Variants in MDGA2 observed in about 807,000 individuals in gnomAD.
MDGA2 encodes MAM domain containing glycosylphosphatidylinositol anchor 2.
A neutral mutation model predicts 117.8 loss-of-function variants in MDGA2; 40 were observed. The observed-to-expected ratio is 0.34, with a 90% CI of 0.26 to 0.44. MDGA2 has a LOEUF of 0.44. MDGA2 is among the 20% of genes least tolerant of loss of function. The pLI, the probability that MDGA2 is intolerant of heterozygous loss-of-function variation, is 1.00. For synonymous variants in MDGA2, 452 were observed against 439.0 expected, an observed-to-expected ratio of 1.03 and a Z score of -0.37; for missense variants, 1,123 against 1,250.6, an observed-to-expected ratio of 0.90 and a Z score of 1.54.
At chr14:47,105,367 A>C (rs923278892) in intron 5 of MDGA2, among the ~76,000 whole-genome samples, 1 of 151,752 alleles carries the variant, frequency 6.6e-6, no homozygotes, top group Non-Finnish European at 1.5e-5. Flanking sequence ...CTGGAGGGCA[A>C]GAACCCCCCA....
At chr14:46,969,933 CATATATATATATATATATATATAT>C (rs1157465830) in intron 8 of MDGA2, among the ~76,000 whole-genome samples, 24 of 15,296 alleles carry the variant, frequency 1.6e-3, no homozygotes, top group East Asian at 0.01. Context: ...TAAAGTATTC[CATATATATATATATATATATATAT>C]ATATATATAT....
At chr14:47,405,942 A>C (rs1892251574) in intron 1 of MDGA2, among the ~76,000 whole-genome samples, 2 of 152,188 alleles carry the variant, frequency 1.3e-5, no homozygotes, top group Non-Finnish European at 2.9e-5. Context: ...GAAAACCTTA[A>C]GGATTATTTG....
At chr14:47,328,711 C>T (rs1027680720) in intron 1 of MDGA2, among the ~76,000 whole-genome samples, 6 of 152,046 alleles carry the variant, frequency 3.9e-5, no homozygotes, top group Non-Finnish European at 7.4e-5. Context: ...GTAAGAACAA[C>T]CTTCAGAGAA....
chr14:47,438,245 T>C (rs982011850), intron 1 of MDGA2, among the ~76,000 whole-genome samples: 1 of 152,150 alleles, frequency 6.6e-6, no homozygotes, highest in African/African-American at 2.4e-5. Context: ...AAGGTAAAGA[T>C]TTTAGCTCAT....
Position 47,073,047 on chromosome 14 carries a change from A to G in MDGA2, c.1196-11469T>C, listed in dbSNP as rs1472959873. On this transcript the variant is annotated intron_variant, in intron 6 of 16. Transcript: ENST00000399232. ...GCCAAAGCTTGAGAAAAGTTTCACA[A>G]AAACACTTATTATTTCCAGATCTCT... Among the ~76,000 whole-genome samples the G allele has an allele frequency of 2.0e-5, 3 of 152,322 alleles. No homozygotes were observed. In the East Asian group the frequency reaches 5.8e-4, roughly 29 times the overall value.
At chr14:47,492,091 A>G (rs953640031) in intron 1 of MDGA2, among the ~76,000 whole-genome samples, 1 of 152,158 alleles carries the variant, frequency 6.6e-6, no homozygotes, top group African/African-American at 2.4e-5. Context: ...ATGTAACACA[A>G]ATATAAATTC....
At position 47,537,573 on chromosome 14, in the gene MDGA2, TTA is replaced by T. The variant is rs1491298963; in HGVS notation, c.280+136942_280+136943del. Among the ~76,000 whole-genome samples, 103 of 57,068 alleles carry T rather than the reference TTA, an allele frequency of 1.8e-3. 11 individuals are homozygous for T. The highest frequency in any genetic ancestry group is 5.6e-3 in the East Asian group (9 of 1,614). 37.4% of individuals were successfully genotyped at this position (57,068 alleles called of 152,430 possible). On this transcript the variant is annotated intron_variant, in intron 1 of 16. Transcript: ENST00000399232. ...ATTATCCACTGTTACCTTCTCTCTG[TTA>T]AAAAAAAAAAAAAAAAAAAAAAAAA...
At chr14:47,368,200 T>G (rs1891272188) in intron 1 of MDGA2, among the ~76,000 whole-genome samples, 1 of 152,086 alleles carries the variant, frequency 6.6e-6, no homozygotes, top group African/African-American at 2.4e-5. Flanking sequence ...GAGAATCGCT[T>G]GAACCCAGAA....
At chr14:47,192,067 G>C (rs1885132537) in intron 3 of MDGA2, among the ~76,000 whole-genome samples, 1 of 152,176 alleles carries the variant, frequency 6.6e-6, no homozygotes, top group African/African-American at 2.4e-5. Flanking sequence ...CTCAAGTGCA[G>C]ACAATAAGAA....
intron 8 of MDGA2, among the ~76,000 whole-genome samples, chr14:47,032,931 G>A (rs1245153225): frequency 1.3e-5 from 2 of 152,172 alleles, no homozygotes; most frequent in African/African-American, 4.8e-5. Context: ...GGCCAGGGAA[G>A]TTTTCCTCTG....
At position 46,855,064 on chromosome 14, in the gene MDGA2, T is replaced by C; in HGVS notation, c.2843A>G (p.Asn948Ser). The change falls in exon 15 of 17, where the codon AAT (asparagine) becomes AGT (serine). Residue 948 changes from asparagine to serine, a missense_variant. By Grantham distance (46) the Asn-to-Ser change is conservative (BLOSUM62 1). Around this residue, in one of 2 missense-constraint regions of MDGA2, gnomAD observed 890 missense variants for 1,050.3 expected, o/e 0.85. Coordinates refer to ENST00000399232, the MANE Select transcript of MDGA2 (RefSeq NM_001113498.3). The surrounding 1 kb of genome is among the most constrained non-coding windows in gnomAD (Gnocchi z 4.1). ...TGGGTATATATTAACATGAGCCTCATTCCATCTTTGTCCTTTATTCCCACT... is the reference window on the plus strand; with the variant it reads ...TGGGTATATATTAACATGAGCCTCACTCCATCTTTGTCCTTTATTCCCACT... ...SSSGNKGQRW[N>S]EAHVNIYPIT... 2 of 1,611,596 alleles carry C rather than the reference T, an allele frequency of 1.2e-6. No individual in the cohort carries two copies. The highest frequency in any genetic ancestry group is 1.7e-6 in the Non-Finnish European group (2 of 1,178,704).
At chr14:47,192,266 C>T (rs1388244143) in intron 3 of MDGA2, among the ~76,000 whole-genome samples, 1 of 151,812 alleles carries the variant, frequency 6.6e-6, no homozygotes, top group African/African-American at 2.4e-5. Context: ...GTGAGATGGA[C>T]TAAGAGAAAT....
chr14:47,122,499 T>A (rs115421373), intron 5 of MDGA2, among the ~76,000 whole-genome samples: 12 of 152,176 alleles, frequency 7.9e-5, no homozygotes, highest in African/African-American at 2.9e-4. Context: ...AAAGATGACA[T>A]TTTGACATAA....
At chr14:47,212,486 C>T (rs1243358937) in intron 3 of MDGA2, among the ~76,000 whole-genome samples, 1 of 152,098 alleles carries the variant, frequency 6.6e-6, no homozygotes, top group Non-Finnish European at 1.5e-5. Flanking sequence ...ATCAAACAAC[C>T]CTAGGTATTT....
intron 6 of MDGA2, among the ~76,000 whole-genome samples, chr14:47,094,027 G>A (rs1202576880): frequency 2.6e-5 from 4 of 152,036 alleles, no homozygotes; most frequent in African/African-American, 9.7e-5. Flanking sequence ...TTTCTTTGAT[G>A]TAATAAAGAG....
intron 5 of MDGA2, among the ~76,000 whole-genome samples, chr14:47,119,629 A>G (rs974883275): frequency 9.8e-5 from 15 of 152,310 alleles, no homozygotes; most frequent in Non-Finnish European, 2.1e-4. Flanking sequence ...CTTTCTTCAC[A>G]TTGAACTAAG....
At chr14:47,410,911 A>G (rs923273551) in intron 1 of MDGA2, among the ~76,000 whole-genome samples, 3 of 152,186 alleles carry the variant, frequency 2.0e-5, no homozygotes, top group Non-Finnish European at 2.9e-5. Flanking sequence ...TCTAAGACAC[A>G]TACATTTGAG....
At chr14:47,608,516 T>C (rs1175211749) in intron 1 of MDGA2, among the ~76,000 whole-genome samples, 1 of 152,028 alleles carries the variant, frequency 6.6e-6, no homozygotes, top group Admixed American at 6.6e-5. Context: ...AATGGGTGAA[T>C]GCACGTCCAT....
At chr14:47,192,931 T>G (rs1163012603) in intron 3 of MDGA2, among the ~76,000 whole-genome samples, 1 of 152,190 alleles carries the variant, frequency 6.6e-6, no homozygotes, top group East Asian at 1.9e-4. Context: ...AGTGGTGCAG[T>G]CTTGTGTTCA....
Sources: gnomAD v4.1 joint callset for allele counts (sites outside exome capture counted in the v4.1 genomes callset) on GRCh38, gnomAD v4.1.1 for gene constraint, gnomAD v4.1.1 regional missense constraint, Gnocchi (gnomAD v3.1) non-coding constraint, MANE v1.5 for transcripts, NCBI Gene and HGNC (gene_info 2026-07-23, HGNC 2026-07-21) for gene names.